CSMD1: variants seen among roughly 807,000 people sequenced by gnomAD.
CSMD1 encodes CUB and sushi domain-containing protein 1.
In CSMD1, 213 loss-of-function variants were observed where a neutral mutation model predicts 417.5. The ratio of observed to expected loss-of-function variants is 0.51; its 90% CI spans 0.46 to 0.57. The LOEUF is 0.57. Ranked by LOEUF, CSMD1 falls within the 20% of genes least tolerant of loss-of-function variation. CSMD1 has a pLI of 0.00. For synonymous variants in CSMD1, 2,862 were observed against 1,736.8 expected (o/e 1.65, Z -16.11); for missense variants, 6,923 against 4,529.7 (o/e 1.53, Z -15.17).
At chr8:4,028,249 A>G (rs190389802) in intron 4 of CSMD1, among the ~76,000 whole-genome samples, 2 of 152,312 alleles carry the variant, frequency 1.3e-5, no homozygotes, top group East Asian at 3.9e-4. Flanking sequence ...CAAATCTAAC[A>G]TCTATTAGCA....
chr8:3,250,554 A>C (rs1800185966), intron 26 of CSMD1, among the ~76,000 whole-genome samples: 1 of 152,188 alleles, frequency 6.6e-6, no homozygotes, highest in Non-Finnish European at 1.5e-5. Flanking sequence ...CATGATTTAT[A>C]GTCCTTTGTG....
chr8:4,062,050 G>A (rs897276989), intron 3 of CSMD1, among the ~76,000 whole-genome samples: 1 of 152,144 alleles, frequency 6.6e-6, no homozygotes, highest in Admixed American at 6.6e-5. Context: ...AATGCAGAGT[G>A]CCAGCTGCCG....
Position 2,955,668 on chromosome 8 carries a change from G to A in CSMD1, c.9915C>T (p.Gly3305=). ...GYTLVYTCHP[G]FFLAGGSEHR... ...GCTCAGATCCCCCTGCGAGGAAAAA[G>A]CCTGGATGGCAGGTGTACACTAAGG... is the stretch of plus-strand genomic sequence containing the variant. The change falls in exon 64 of 70, where the codon GGC becomes GGT. Residue 3305 remains glycine (G), a synonymous_variant. Transcript: ENST00000635120. 1.2e-6 allele frequency: 2 copies of A among 1,613,904 alleles called. No individual in the cohort carries two copies. The highest frequency in any genetic ancestry group is 1.7e-6 in the Non-Finnish European group (2 of 1,179,828).
At chr8:3,488,463 T>A (rs889032964) in intron 11 of CSMD1, among the ~76,000 whole-genome samples, 1 of 152,186 alleles carries the variant, frequency 6.6e-6, no homozygotes, top group Non-Finnish European at 1.5e-5. Context: ...GATAAATGTA[T>A]CTGGAAGATA....
rs1353138605 is a variant in CSMD1 at position 3,052,570 on chromosome 8, C to A, written c.7552G>T (p.Val2518Phe). The change falls in exon 50 of 70, where the codon GTC (valine) becomes TTC (phenylalanine). Residue 2518 changes from valine (V) to phenylalanine (F), a missense_variant. Coordinates refer to ENST00000635120, the MANE Select transcript of CSMD1 (RefSeq NM_033225.6). ...GNEFTLDSKV[V>F]YECHEGFKLE... is the part of the protein sequence containing the mutation. Reference sequence around the variant, plus strand: ...TTGAAGCCCTCATGACATTCATAGACCACTTTACTGTCCAAAGTGAACTCG... The same window carrying A: ...TTGAAGCCCTCATGACATTCATAGAACACTTTACTGTCCAAAGTGAACTCG... The A allele has an allele frequency of 4.3e-6, 7 of 1,610,894 alleles. No homozygotes were observed. The highest frequency in any genetic ancestry group is 5.1e-6 in the Non-Finnish European group (6 of 1,178,638).
intron 23 of CSMD1, among the ~76,000 whole-genome samples, chr8:3,324,410 G>A (rs1030576970): frequency 2.9e-5 from 4 of 138,940 alleles, no homozygotes; most frequent in Non-Finnish European, 6.2e-5. Flanking sequence ...TTTGGTCACT[G>A]TTAAAATAGG....
chr8:4,020,703 T>A (rs1041669220), intron 4 of CSMD1, among the ~76,000 whole-genome samples: 1 of 152,234 alleles, frequency 6.6e-6, no homozygotes, highest in Non-Finnish European at 1.5e-5. Context: ...CCTCAGCGAA[T>A]CCGCGTGTTC....
rs60925117 is a variant in CSMD1, at chr8:4,364,824, CAAAAA to C, written c.415+55124_415+55128del. Reference sequence around the variant, plus strand: ...TGCGCGACAGAGCGAGACTCCTTCTCAAAAAAAAAAAAAAAAAAAAAAAAAAAAAA... The same window carrying C: ...TGCGCGACAGAGCGAGACTCCTTCTCAAAAAAAAAAAAAAAAAAAAAAAAA... On this transcript the variant is annotated intron_variant, in intron 3 of 69. Transcript: ENST00000635120. 2.4e-5 allele frequency among the ~76,000 whole-genome samples: 2 copies of C among 84,854 alleles called. 1 individual carries two copies. Among genetic ancestry groups the C allele is most frequent in the Admixed American group, 2.7e-4 (2 of 7,280 alleles). The allele number at this position is 84,854 out of a possible 152,430, so 55.7% of individuals were successfully genotyped here. A position where few individuals can be genotyped will look rare whatever the true frequency, so the allele number is the denominator to read the frequency against.
intron 3 of CSMD1, among the ~76,000 whole-genome samples, chr8:4,156,978 G>C (rs183895934): frequency 1.3e-5 from 2 of 152,232 alleles, no homozygotes; most frequent in Admixed American, 6.5e-5. Context: ...GGCAGATGAT[G>C]CATACATCCC....
At chr8:4,646,958 A>C (rs1483306960) in intron 1 of CSMD1, among the ~76,000 whole-genome samples, 1 of 152,190 alleles carries the variant, frequency 6.6e-6, no homozygotes, top group Non-Finnish European at 1.5e-5. Context: ...TAAATGTCCA[A>C]CACATTTTCT....
intron 3 of CSMD1, among the ~76,000 whole-genome samples, chr8:4,220,177 C>T (rs1800942112): frequency 6.6e-6 from 1 of 152,134 alleles, no homozygotes; most frequent in Non-Finnish European, 1.5e-5. Flanking sequence ...TCTTGAACTC[C>T]TGACGTCAGG....
In CSMD1 at chr8:3,502,677, T is replaced by A. The variant is rs1232556013; in HGVS notation, c.1345-8951A>T. On this transcript the variant is annotated intron_variant, in intron 10 of 69. Transcript: ENST00000635120. ...GGAGAAGGCAGAACTATGGAGACAG[T>A]AAAAAGATTAGTGATTGTTAGGGGT... Among the ~76,000 whole-genome samples the A allele has an allele frequency of 2.0e-5, 3 of 152,106 alleles. No individual in the cohort carries two copies. In the East Asian group the frequency reaches 5.8e-4, roughly 29 times the overall value.
At chr8:4,181,965 T>TGC (rs1172145520) in intron 3 of CSMD1, among the ~76,000 whole-genome samples, 2 of 151,070 alleles carry the variant, frequency 1.3e-5, no homozygotes, top group African/African-American at 2.4e-5. Context: ...TGCGTGTGTG[T>TGC]GTGTGTGTGA....
intron 3 of CSMD1, among the ~76,000 whole-genome samples, chr8:4,297,723 G>C (rs978948058): frequency 3.9e-5 from 6 of 152,014 alleles, no homozygotes; most frequent in African/African-American, 1.5e-4. Context: ...CTCTGTGTTG[G>C]AAGATCATTC....
intron 3 of CSMD1, among the ~76,000 whole-genome samples, chr8:4,400,735 C>G (rs1189217936): frequency 6.8e-6 from 1 of 147,930 alleles, no homozygotes; most frequent in Non-Finnish European, 1.5e-5. Context: ...CTAAGAGTTT[C>G]TCTCTAATAG....
rs911477920 is a variant in CSMD1, at chr8:3,698,931, G to T, written c.1009+9483C>A. Among the ~76,000 whole-genome samples, 10 of 152,288 alleles carry T rather than the reference G, an allele frequency of 6.6e-5. No individual in the cohort carries two copies. The South Asian group carries it at 1.0e-3, about 16-fold the overall frequency. ...GGACATGTCACAACTTCCATTCTGT[G>T]GTATCCTGTGTTCTAAGTCAGGCAT... On this transcript the variant is annotated intron_variant, in intron 7 of 69. Transcript: ENST00000635120.
chr8:4,121,121 A>G (rs1802463632), intron 3 of CSMD1, among the ~76,000 whole-genome samples: 1 of 149,134 alleles, frequency 6.7e-6, no homozygotes, highest in Non-Finnish European at 1.5e-5. Context: ...ATTTTTATTT[A>G]TTATTTATTT....
intron 65 of CSMD1, among the ~76,000 whole-genome samples, chr8:2,951,713 T>C (rs975745441): frequency 3.9e-5 from 6 of 152,150 alleles, no homozygotes; most frequent in African/African-American, 1.4e-4. Context: ...AGAACTGATA[T>C]ATATAATACG....
chr8:3,833,916 C>G (rs1351890454), intron 5 of CSMD1, among the ~76,000 whole-genome samples: 1 of 152,064 alleles, frequency 6.6e-6, no homozygotes, highest in Non-Finnish European at 1.5e-5. Context: ...TGTGAAATAT[C>G]AAATTTATGT....
Sources: allele counts gnomAD v4.1 joint callset (sites outside exome capture counted in the v4.1 genomes callset), GRCh38; gene constraint gnomAD v4.1.1; transcripts MANE v1.5; gene names NCBI Gene and HGNC (gene_info 2026-07-23, HGNC 2026-07-21).